Variants in GPR171 observed in about 807,000 individuals in gnomAD.
GPR171 encodes the protein G protein-coupled receptor 171.
Under a neutral mutation model 16.7 loss-of-function variants are expected in GPR171, and 14 were observed. That is an observed-to-expected ratio of 0.84 (90% CI 0.55 to 1.31). The LOEUF (loss-of-function observed/expected upper bound fraction) is 1.31. Among genes scored for constraint, GPR171 ranks in the 40% most tolerant of loss-of-function variants. GPR171 has a pLI of 0.00. For missense variants in GPR171, 337 were observed against 378.9 expected (o/e 0.89, Z 0.92); for synonymous variants, 134 against 135.6 (o/e 0.99, Z 0.08).
chr3:151,199,721 G>C (rs1466685731), intron 2 of GPR171, among the ~76,000 whole-genome samples: 3 of 152,070 alleles, frequency 2.0e-5, no homozygotes, highest in African/African-American at 7.2e-5. Context: ...GTTACCAGTT[G>C]GGTTGGAAGT....
At position 151,199,672 on chromosome 3, in the gene GPR171, A is replaced by G. The variant is rs528621373; in HGVS notation, c.-53-233T>C. ...CCATGCAGGTTTGCTTTTGGTAGGG[A>G]TATTTTCAACCTCAGGTTTTTCCAT... On this transcript the variant is annotated intron_variant, in intron 2 of 2. Transcript: ENST00000309180. 5.3e-5 allele frequency among the ~76,000 whole-genome samples: 8 copies of G among 151,728 alleles called. No individual in the cohort carries two copies. In the East Asian group the frequency reaches 1.4e-3, roughly 26 times the overall value.
intron 2 of GPR171, among the ~76,000 whole-genome samples, chr3:151,200,108 T>G (rs951144749): frequency 1.2e-4 from 18 of 152,332 alleles, no homozygotes; most frequent in Middle Eastern, 3.4e-3. Flanking sequence ...AGTCGCTTTT[T>G]TTTTCTTTCA....
chr3:151,199,907 G>C (rs536463144), intron 2 of GPR171, among the ~76,000 whole-genome samples: 8 of 152,058 alleles, frequency 5.3e-5, no homozygotes, highest in African/African-American at 1.9e-4. Flanking sequence ...GGCTGACAGG[G>C]GAAGTAAGGA....
chr3:151,199,845 T>C (rs146367345), intron 2 of GPR171, among the ~76,000 whole-genome samples: 1,608 of 152,288 alleles, frequency 0.011, 16 homozygotes, highest in Non-Finnish European at 0.017. Flanking sequence ...TTTCTTGTTT[T>C]AGTTTTTTGT....
At chr3:151,199,471 A>T (rs1725212527) in intron 2 of GPR171, 32 bp from the exon 3 acceptor site, 2 of 1,163,108 alleles carry the variant, frequency 1.7e-6, no homozygotes, top group Non-Finnish European at 2.4e-6. Context: ...GGAGGTTAGT[A>T]ATTAAAATTA....
intron 1 of GPR171, among the ~76,000 whole-genome samples, chr3:151,201,245 T>TCA (rs1553740002): frequency 8.6e-5 from 13 of 150,524 alleles, no homozygotes; most frequent in African/African-American, 1.5e-4. Context: ...TCTCTCTCTC[T>TCA]CACACGCACA....
chr3:151,198,826 T>C lies in GPR171; in HGVS notation c.561A>G (p.Ile187Met). 6.2e-7 allele frequency: 1 copy of C among 1,613,468 alleles called. No homozygotes were observed. The highest frequency in any genetic ancestry group is 2.2e-5 in the East Asian group (1 of 44,882). Reference protein sequence around the residue: ...HLLTNFICVAIFLNFSAIILI... With the variant: ...HLLTNFICVAMFLNFSAIILI... ...AAATGATGGCTGAGAAATTTAAAAA[T>C]ATTGCTACACATATGAAATTTGTCA... The change falls in exon 3 of 3, where the codon ATA becomes ATG. Residue 187 changes from isoleucine to methionine, a missense_variant. By Grantham distance (10) the Ile-to-Met change is conservative. Coordinates refer to ENST00000309180, the MANE Select transcript of GPR171 (RefSeq NM_013308.4).
chr3:151,200,716 G>C (rs1725425559), intron 2 of GPR171, among the ~76,000 whole-genome samples, 193 bp downstream of exon 2: 1 of 152,208 alleles, frequency 6.6e-6, no homozygotes, highest in Admixed American at 6.5e-5. Flanking sequence ...ACCTGAGTTA[G>C]CACGTTAGAG....
At position 151,199,457 on chromosome 3, in the gene GPR171, A is replaced by C; in HGVS notation, c.-53-18T>G. 3.8e-6 allele frequency: 5 copies of C among 1,311,842 alleles called. No homozygotes were observed. Among genetic ancestry groups the C allele is most frequent in the Non-Finnish European group, 5.2e-6 (5 of 955,302 alleles). 81.3% of individuals were successfully genotyped at this position (1,311,842 alleles called of 1,614,324 possible). On this transcript the variant is annotated intron_variant, in intron 2 of 2. Coordinates refer to ENST00000309180, the MANE Select transcript of GPR171 (RefSeq NM_013308.4). ...CTAAGACTCTGTAAAAGAAACAAGG[A>C]AAGGGAGGTTAGTAATTAAAATTAG...
chr3:151,198,401 A>G lies in GPR171; in HGVS notation c.*26T>C, dbSNP rs762743576. ...AACTTTATGGTCCAGTAAGGCCAGA[A>G]TTGGTAGCACAAAAAATCCTGTCTT... On this transcript the variant is annotated 3_prime_UTR_variant, in exon 3 of 3. Transcript: ENST00000309180. 1 of 1,552,500 alleles carries G rather than the reference A, an allele frequency of 6.4e-7. No homozygotes were observed. Among genetic ancestry groups the G allele is most frequent in the Non-Finnish European group, 8.8e-7 (1 of 1,142,636 alleles).
intron 2 of GPR171, among the ~76,000 whole-genome samples, chr3:151,200,005 A>G (rs183494399): frequency 2.0e-5 from 3 of 152,322 alleles, no homozygotes; most frequent in East Asian, 1.9e-4. Flanking sequence ...AAAACCCACA[A>G]CTACCAGAAC....
intron 2 of GPR171, among the ~76,000 whole-genome samples, chr3:151,199,805 G>A (rs1223036010): frequency 6.6e-6 from 1 of 152,130 alleles, no homozygotes; most frequent in African/African-American, 2.4e-5. Flanking sequence ...GGTTGAGCAT[G>A]AAGAGCTTTC....
At position 151,198,842 on chromosome 3, in the gene GPR171, A is replaced by T. The variant is rs373796610; in HGVS notation, c.545T>A (p.Phe182Tyr). The T allele has an allele frequency of 2.1e-5, 34 of 1,613,574 alleles. No individual in the cohort carries two copies. The highest frequency in any genetic ancestry group is 2.8e-5 in the Non-Finnish European group (33 of 1,179,478). Residue 182 changes from phenylalanine to tyrosine, a missense_variant, in exon 3 of 3, where the codon TTC (phenylalanine) becomes TAC (tyrosine). By Grantham distance (22) the Phe-to-Tyr change is conservative (BLOSUM62 3). Transcript: ENST00000309180. The stretch of plus-strand genomic sequence containing the variant: ...ATTTAAAAATATTGCTACACATATG[A>T]AATTTGTCAGCAAATGCCAATTTCT... ...FGRNWHLLTN[F>Y]ICVAIFLNFS...
In GPR171 at chr3:151,198,304, G is replaced by T. The variant is rs994259276; in HGVS notation, c.*123C>A. The T allele has an allele frequency of 1.4e-6, 1 of 696,822 alleles. No homozygotes were observed. Among genetic ancestry groups the T allele is most frequent in the African/African-American group, 1.8e-5 (1 of 55,092 alleles). The allele number at this position is 696,822 out of a possible 1,614,324, so 43.2% of individuals were successfully genotyped here. ...TTTCTAAGTAAACCTGTCCATATTT[G>T]CTAGCTAACTGTATTTTTTCATACT... On this transcript the variant is annotated 3_prime_UTR_variant, in exon 3 of 3. Coordinates refer to ENST00000309180, the MANE Select transcript of GPR171 (RefSeq NM_013308.4).
At chr3:151,197,817 A>G (rs1724881695), downstream of GPR171, 1 of 152,668 alleles carries the variant, frequency 6.6e-6, no homozygotes, top group Admixed American at 6.5e-5. Context: ...TACAAATAAT[A>G]CATTAAAGAT....
At chr3:151,201,746 T>A (rs1207158035) in intron 1 of GPR171, among the ~76,000 whole-genome samples, 11 of 152,238 alleles carry the variant, frequency 7.2e-5, no homozygotes, top group Non-Finnish European at 1.3e-4. Context: ...ACCTTGGAAT[T>A]TTGAACATAC....
rs765214098 is a variant in GPR171, at chr3:151,199,403, GA to G, written c.-18del. On this transcript the variant is annotated 5_prime_UTR_variant, in exon 3 of 3. Coordinates refer to ENST00000309180, the MANE Select transcript of GPR171 (RefSeq NM_013308.4). ...GTTTGTCATCTTGAGGGAAAGTAAG[GA>G]TGACTGCTTATTGAAAAGAAAAAAT... 6.4e-7 allele frequency: 1 copy of G among 1,574,524 alleles called. No homozygotes were observed. Among genetic ancestry groups the G allele is most frequent in the Admixed American group, 2.0e-5 (1 of 50,996 alleles).
intron 2 of GPR171, among the ~76,000 whole-genome samples, chr3:151,200,097 G>C (rs1014026881): frequency 2.0e-5 from 3 of 152,156 alleles, no homozygotes; most frequent in African/African-American, 4.8e-5. Context: ...TTCAACACTT[G>C]AGTCGCTTTT....
intron 1 of GPR171, among the ~76,000 whole-genome samples, chr3:151,201,243 TC>T (rs1725539316): frequency 1.3e-5 from 2 of 152,024 alleles, no homozygotes; most frequent in Non-Finnish European, 2.9e-5. Context: ...TCTCTCTCTC[TC>T]TCACACGCAC....
Sources: allele counts gnomAD v4.1 joint callset (sites outside exome capture counted in the v4.1 genomes callset), GRCh38; gene constraint gnomAD v4.1.1; transcripts MANE v1.5; gene names NCBI Gene and HGNC (gene_info 2026-07-23, HGNC 2026-07-21).